The following PRTG variants were observed in gnomAD, a reference collection of about 807,000 sequenced individuals.
PRTG encodes protogenin, also known as immunoglobulin superfamily, DCC subclass, member 5.
Under a neutral mutation model 122.5 loss-of-function variants are expected in PRTG, and 67 were observed. The ratio of observed to expected loss-of-function variants is 0.55; its 90% CI spans 0.45 to 0.67. The LOEUF (loss-of-function observed/expected upper bound fraction) is 0.67. Ranked by LOEUF, PRTG falls within the 30% of genes least tolerant of loss-of-function variation. The pLI is 0.00. For missense variants in PRTG, 1,435 were observed against 1,415.4 expected, an observed-to-expected ratio of 1.01 and a Z score of -0.22; for synonymous variants, 554 against 501.1, an observed-to-expected ratio of 1.11 and a Z score of -1.41.
chr15:55,660,369 A>C (rs1318521037), intron 11 of PRTG, among the ~76,000 whole-genome samples: 1 of 152,234 alleles, frequency 6.6e-6, no homozygotes, highest in Admixed American at 6.5e-5. Flanking sequence ...TTTAAAAAAA[A>C]GAAAACCCCT....
intron 11 of PRTG, among the ~76,000 whole-genome samples, chr15:55,666,978 C>A (rs2059442581): frequency 6.6e-6 from 1 of 152,090 alleles, no homozygotes. Context: ...TGATGTTTTT[C>A]TTTTACCGTC....
At chr15:55,621,477 G>A (rs1241879133) in intron 18 of PRTG, among the ~76,000 whole-genome samples, 1 of 152,100 alleles carries the variant, frequency 6.6e-6, no homozygotes, top group African/African-American at 2.4e-5. Flanking sequence ...CTAACACAGT[G>A]AAATCCCGTC....
chr15:55,738,769 A>T, intron 2 of PRTG: 1 of 202,022 alleles, frequency 4.9e-6, no homozygotes, highest in Non-Finnish European at 9.9e-6. Context: ...AGAGACAGGA[A>T]GAAGAGAGGG....
In PRTG at chr15:55,641,108, C is replaced by G. The variant is rs1199017727; in HGVS notation, c.2137+5G>C. 1 of 1,606,822 alleles carries G rather than the reference C, an allele frequency of 6.2e-7. No individual in the cohort carries two copies. The highest frequency in any genetic ancestry group is 2.2e-5 in the East Asian group (1 of 44,836). On this transcript the variant is annotated splice_donor_5th_base_variant and intron_variant, in intron 12 of 19. Transcript: ENST00000389286. Reference sequence around the variant, plus strand: ...GTAAAACAAACTGCCATGGCTTTCACTTACACACGCATCCTGGAGTGCTGA... The same window carrying G: ...GTAAAACAAACTGCCATGGCTTTCAGTTACACACGCATCCTGGAGTGCTGA...
At chr15:55,719,042 G>T (rs1371777808) in intron 2 of PRTG, among the ~76,000 whole-genome samples, 1 of 152,120 alleles carries the variant, frequency 6.6e-6, no homozygotes, top group African/African-American at 2.4e-5. Flanking sequence ...ACCGTGCCCA[G>T]CCTCAAATTA....
intron 11 of PRTG, among the ~76,000 whole-genome samples, chr15:55,654,758 T>A (rs1316375301): frequency 6.6e-6 from 1 of 152,106 alleles, no homozygotes; most frequent in African/African-American, 2.4e-5. Flanking sequence ...CAACCAAACT[T>A]CCCCTGAAGC....
At chr15:55,673,790 C>T in intron 9 of PRTG, 114 bp from the exon 10 acceptor site, 1 of 781,774 alleles carries the variant, frequency 1.3e-6, no homozygotes, top group Non-Finnish European at 2.0e-6. Flanking sequence ...GAGACACTTT[C>T]AGCCCTAGCA....
chr15:55,741,748 A>T (rs138483988), intron 1 of PRTG, among the ~76,000 whole-genome samples: 30 of 151,838 alleles, frequency 2.0e-4, no homozygotes, highest in African/African-American at 7.0e-4. Context: ...CGGAATACTC[A>T]CTCTTCAAGG....
At chr15:55,675,774 G>T in intron 8 of PRTG, 91 bp from the exon 9 acceptor site, 2 of 669,062 alleles carry the variant, frequency 3.0e-6, no homozygotes, top group Non-Finnish European at 2.5e-6. Flanking sequence ...CTGGTCCTTG[G>T]GTCTAATCTC....
chr15:55,718,989 C>T lies in PRTG; in HGVS notation c.397+21393G>A, dbSNP rs76178117. ...CAAACTCCTGACCTCAGGTACTCTG[C>T]CCACCTCAGCCTCCCAAAGTGTTAG... On this transcript the variant is annotated intron_variant, in intron 2 of 19. Transcript: ENST00000389286. Among the ~76,000 whole-genome samples the T allele has an allele frequency of 5.6e-4, 85 of 152,260 alleles. 2 individuals are homozygous for T. The highest frequency in any genetic ancestry group is 1.9e-3 in the African/African-American group (78 of 41,536).
chr15:55,738,581 CTATAGAA>C, intron 2 of PRTG: 1 of 694,394 alleles, frequency 1.4e-6, no homozygotes, highest in South Asian at 1.5e-5. Context: ...AATAACAACT[CTATAGAA>C]CAAGTTTACA....
chr15:55,647,612 A>G (rs1453828394), intron 11 of PRTG, among the ~76,000 whole-genome samples: 3 of 152,246 alleles, frequency 2.0e-5, no homozygotes, highest in Non-Finnish European at 4.4e-5. Flanking sequence ...AATCATGCCT[A>G]TGAAGTACTT....
intron 2 of PRTG, chr15:55,738,440 T>A (rs1217240903): frequency 1.4e-6 from 1 of 700,514 alleles, no homozygotes; most frequent in African/African-American, 1.7e-5. Context: ...TGTGTGGTCA[T>A]GACAAATGCT....
rs1246663879 is a variant in PRTG, at chr15:55,617,045, C to T, written c.*2967G>A. ...AAATAGTTACCATTTGCATATTAGC[C>T]CCTTTGAAGTACAATACCATGAAGT... On this transcript the variant is annotated 3_prime_UTR_variant, in exon 20 of 20. Transcript: ENST00000389286. 1.3e-5 allele frequency: 2 copies of T among 152,032 alleles called. No individual in the cohort carries two copies. Among genetic ancestry groups the T allele is most frequent in the Non-Finnish European group, 1.5e-5 (1 of 67,928 alleles). 9.4% of individuals were successfully genotyped at this position (152,032 alleles called of 1,614,324 possible).
At position 55,743,135 on chromosome 15, in the gene PRTG, T is replaced by TCCGGCTG. The variant is rs2031677040; in HGVS notation, c.-211_-205dup. ...TCGCGAGAAGCAAGGGGCCTGAGAG[T>TCCGGCTG]CCGGCTGGGGGCGGAGTGAGGCGGC... is the stretch of plus-strand genomic sequence containing the variant. On this transcript the variant is annotated 5_prime_UTR_variant, in exon 1 of 20. Transcript: ENST00000389286. 1 of 1,252,414 alleles carries TCCGGCTG rather than the reference T, an allele frequency of 8.0e-7. No homozygotes were observed. Among genetic ancestry groups the TCCGGCTG allele is most frequent in the South Asian group, 3.1e-5 (1 of 32,202 alleles). 77.6% of individuals were successfully genotyped at this position (1,252,414 alleles called of 1,614,324 possible). A position where few individuals can be genotyped will look rare whatever the true frequency, so the allele number is the denominator to read the frequency against.
chr15:55,646,442 C>T (rs933602446), intron 11 of PRTG, among the ~76,000 whole-genome samples: 2 of 152,018 alleles, frequency 1.3e-5, no homozygotes, highest in African/African-American at 4.8e-5. Context: ...CCTGCCTCAG[C>T]CTCCCAAGTA....
intron 15 of PRTG, among the ~76,000 whole-genome samples, chr15:55,635,124 C>T (rs7180772): frequency 0.17 from 23,015 of 132,020 alleles, 2,487 homozygotes; most frequent in African/African-American, 0.33. Flanking sequence ...CAGAGTCTCA[C>T]TCTATCACCC....
At position 55,616,575 on chromosome 15, in the gene PRTG, T is replaced by C. The variant is rs939548959; in HGVS notation, c.*3437A>G. 11 of 152,160 alleles carry C rather than the reference T, an allele frequency of 7.2e-5. No homozygotes were observed. Among genetic ancestry groups the C allele is most frequent in the African/African-American group, 2.7e-4 (11 of 41,448 alleles). The allele number at this position is 152,160 out of a possible 1,614,324, so 9.4% of individuals were successfully genotyped here. On this transcript the variant is annotated 3_prime_UTR_variant, in exon 20 of 20. Coordinates refer to ENST00000389286, the MANE Select transcript of PRTG (RefSeq NM_173814.6). ...TCATGTGGCTGAATCACAGATTAAA[T>C]GGAAAGTCCTCATGCATGTTATTTG... is the stretch of plus-strand genomic sequence containing the variant.
intron 2 of PRTG, among the ~76,000 whole-genome samples, chr15:55,729,797 G>A (rs1300963101): frequency 6.6e-6 from 1 of 152,036 alleles, no homozygotes; most frequent in African/African-American, 2.4e-5. Context: ...CTCCATTGGT[G>A]GTTCTTCAAA....
Sources: allele counts gnomAD v4.1 joint callset (sites outside exome capture counted in the v4.1 genomes callset), GRCh38; gene constraint gnomAD v4.1.1; transcripts MANE v1.5; gene names NCBI Gene and HGNC (gene_info 2026-07-23, HGNC 2026-07-21).